Variants in CTSA observed in about 807,000 individuals in gnomAD.
CTSA encodes the protein lysosomal protective protein.
CTSA carries 42 observed loss-of-function variants against 66.7 expected under a neutral mutation model. That is an observed-to-expected ratio of 0.63 (90% CI 0.49 to 0.81). CTSA has a LOEUF of 0.81. CTSA is among the 40% of genes least tolerant of loss of function. The pLI, the probability that CTSA is intolerant of heterozygous loss-of-function variation, is 0.00. For synonymous variants in CTSA, 225 were observed against 248.6 expected (o/e 0.91, Z 0.89); for missense variants, 525 against 610.9 (o/e 0.86, Z 1.48).
At position 45,891,415 on chromosome 20, in the gene CTSA, G is replaced by A. The variant is rs1214544818; in HGVS notation, c.-1+36G>A. The A allele has an allele frequency of 6.4e-7, 1 of 1,556,338 alleles. No individual in the cohort carries two copies. The highest frequency in any genetic ancestry group is 8.7e-7 in the Non-Finnish European group (1 of 1,150,974). On this transcript the variant is annotated intron_variant, in intron 1 of 14. Transcript: ENST00000646241. This position sits in a 1 kb window ranked among gnomAD's most constrained non-coding sequence, Gnocchi z 4.6. ...ACCGGAGGCTGGAGGGGATCCCCGA[G>A]CCCGGGATCGGTGCGCGGCAGAGGA...
At chr20:45,896,689 G>T in intron 11 of CTSA, 1 of 441,872 alleles carries the variant, frequency 2.3e-6, no homozygotes, top group Non-Finnish European at 4.2e-6. Flanking sequence ...CACTCACCTC[G>T]GTCTCCCAAA....
In CTSA at chr20:45,897,933, C is replaced by T. The variant is rs573037181; in HGVS notation, c.1255-72C>T. The stretch of plus-strand genomic sequence containing the variant: ...AGGGCAAGTGTGGAGGAATTCCCAG[C>T]CCTAAGGTCTTGCTGGTAGCTGTGA... On this transcript the variant is annotated intron_variant, in intron 13 of 14. Coordinates refer to ENST00000646241, the MANE Select transcript of CTSA (RefSeq NM_000308.4). 3 of 1,574,764 alleles carry T rather than the reference C, an allele frequency of 1.9e-6. No homozygotes were observed. The South Asian group carries it at 3.3e-5, about 17-fold the overall frequency.
At chr20:45,895,880 C>T (rs551586359) in intron 11 of CTSA, among the ~76,000 whole-genome samples, 7 of 152,290 alleles carry the variant, frequency 4.6e-5, no homozygotes, top group East Asian at 3.9e-4. Context: ...TCCCCACACC[C>T]GGCCATCACA....
chr20:45,892,992 C>T, intron 6 of CTSA, 112 bp downstream of exon 6: 1 of 1,283,524 alleles, frequency 7.8e-7, no homozygotes. Context: ...CCTGCATAAC[C>T]TCCCCACCAC....
In CTSA at chr20:45,891,689, C is replaced by T. The variant is rs1388629252; in HGVS notation, c.121C>T (p.Leu41=). ...GGACGAGATCCAGCGCCTCCCCGGG[C>T]TGGCCAAGCAGCCGTCTTTCCGCCA... The part of the protein sequence containing the change: ...DQDEIQRLPG[L]AKQPSFRQYS... Residue 41 remains leucine, a synonymous_variant, in exon 2 of 15, where the codon CTG becomes TTG. Coordinates refer to ENST00000646241, the MANE Select transcript of CTSA (RefSeq NM_000308.4). The surrounding 1 kb of genome is among the most constrained non-coding windows in gnomAD (Gnocchi z 4.6). The T allele has an allele frequency of 6.2e-7, 1 of 1,613,266 alleles. No individual in the cohort carries two copies. The highest frequency in any genetic ancestry group is 2.2e-5 in the East Asian group (1 of 44,880).
Position 45,898,298 on chromosome 20 carries a change from C to T in CTSA, c.1360-69C>T. On this transcript the variant is annotated intron_variant, in intron 14 of 14. Coordinates refer to ENST00000646241, the MANE Select transcript of CTSA (RefSeq NM_000308.4). The surrounding 1 kb of genome is among the most constrained non-coding windows in gnomAD (Gnocchi z 4.6). ...AAAGGGTTTGGGATGAAGGAATTGCCCCCGAGTGAGCAGTTATATGGGGAG... is the reference window on the plus strand; with the variant it reads ...AAAGGGTTTGGGATGAAGGAATTGCTCCCGAGTGAGCAGTTATATGGGGAG... 2.1e-6 allele frequency: 3 copies of T among 1,427,104 alleles called. No homozygotes were observed. Among genetic ancestry groups the T allele is most frequent in the South Asian group, 1.2e-5 (1 of 84,308 alleles). 88.4% of individuals were successfully genotyped at this position (1,427,104 alleles called of 1,614,324 possible).
chr20:45,896,519 G>A (rs1205282492), intron 11 of CTSA: 4 of 233,578 alleles, frequency 1.7e-5, no homozygotes, highest in South Asian at 1.1e-4. Context: ...TGCAACCTCC[G>A]CCTCCCGGGT....
intron 6 of CTSA, 67 bp downstream of exon 6, chr20:45,892,947 G>A: frequency 6.4e-7 from 1 of 1,571,074 alleles, no homozygotes; most frequent in Non-Finnish European, 8.7e-7. Context: ...AGCAAGGTCA[G>A]ACTGACTGGT....
In CTSA at chr20:45,891,409, C is replaced by T; in HGVS notation, c.-1+30C>T. 1 of 1,559,738 alleles carries T rather than the reference C, an allele frequency of 6.4e-7. No homozygotes were observed. The highest frequency in any genetic ancestry group is 8.7e-7 in the Non-Finnish European group (1 of 1,152,796). ...GCTGGCACCGGAGGCTGGAGGGGAT[C>T]CCCGAGCCCGGGATCGGTGCGCGGC... On this transcript the variant is annotated intron_variant, in intron 1 of 14. Transcript: ENST00000646241. The surrounding 1 kb of genome is among the most constrained non-coding windows in gnomAD (Gnocchi z 4.6).
intron 11 of CTSA, among the ~76,000 whole-genome samples, chr20:45,895,758 A>T (rs545552818): frequency 1.3e-4 from 20 of 152,016 alleles, no homozygotes; most frequent in African/African-American, 3.4e-4. Context: ...TTTTTAAAAA[A>T]TTTTTTTGTA....
In CTSA at chr20:45,893,221, G is replaced by T; in HGVS notation, c.602G>T (p.Gly201Val). ...CTGAGCACCCTGGGTGTTTCACAGG[G>T]GCTGGCTGTGGGCAATGGACTCTCC... ...VMQDPSMNLQ[G>V]LAVGNGLSSY... is the part of the protein sequence containing the mutation. Residue 201 changes from glycine to valine, a missense_variant and splice_region_variant, in exon 7 of 15, where the codon GGG (glycine) becomes GTG (valine). Coordinates refer to ENST00000646241, the MANE Select transcript of CTSA (RefSeq NM_000308.4). 6.2e-7 allele frequency: 1 copy of T among 1,613,966 alleles called. No individual in the cohort carries two copies. The highest frequency in any genetic ancestry group is 2.2e-5 in the East Asian group (1 of 44,872).
intron 11 of CTSA, 86 bp downstream of exon 11, chr20:45,895,219 TAG>T (rs1461960543): frequency 9.8e-6 from 15 of 1,530,134 alleles, no homozygotes; most frequent in Non-Finnish European, 1.4e-5. Flanking sequence ...ATCTTCTGTG[TAG>T]AGTTTCTCAA....
At chr20:45,892,960 A>C in intron 6 of CTSA, 80 bp downstream of exon 6, 1 of 1,528,814 alleles carries the variant, frequency 6.5e-7, no homozygotes, top group Non-Finnish European at 9.0e-7. Flanking sequence ...TGACTGGTCA[A>C]TGTCCCCATC....
chr20:45,893,076 C>T (rs866953450), intron 6 of CTSA, 144 bp from the exon 7 acceptor site: 1 of 920,402 alleles, frequency 1.1e-6, no homozygotes. Flanking sequence ...CTGTGTTTTG[C>T]ATTGAGTGGC....
rs759321067 is a variant in CTSA at position 45,894,610 on chromosome 20, G to A, written c.778-40G>A. 22 of 1,559,670 alleles carry A rather than the reference G, an allele frequency of 1.4e-5. No individual in the cohort carries two copies. The African/African-American group carries it at 1.8e-4, about 12-fold the overall frequency. On this transcript the variant is annotated intron_variant, in intron 8 of 14. Coordinates refer to ENST00000646241, the MANE Select transcript of CTSA (RefSeq NM_000308.4). ...AACTTGGTGGGGTCGTGGAGAGGCT[G>A]GGGATCTGTAAAGCATGGTGGCTTG...
Position 45,898,227 on chromosome 20 carries a change from T to C in CTSA, c.1359+118T>C, listed in dbSNP as rs1258363335. The C allele has an allele frequency of 3.0e-6, 4 of 1,347,052 alleles. No individual in the cohort carries two copies. Among genetic ancestry groups the C allele is most frequent in the South Asian group, 2.4e-5 (2 of 81,944 alleles). 83.4% of individuals were successfully genotyped at this position (1,347,052 alleles called of 1,614,324 possible). A position where few individuals can be genotyped will look rare whatever the true frequency, so the allele number is the denominator to read the frequency against. On this transcript the variant is annotated intron_variant, in intron 14 of 14. Transcript: ENST00000646241. The surrounding 1 kb of genome is among the most constrained non-coding windows in gnomAD (Gnocchi z 4.6). Reference sequence around the variant, plus strand: ...CATGGGTCACCATCTGGCCCCTGTATGGGCAAGTTTTTTTGGAGAGGGGTG... The same window carrying C: ...CATGGGTCACCATCTGGCCCCTGTACGGGCAAGTTTTTTTGGAGAGGGGTG...
chr20:45,891,854 A>G lies in CTSA; in HGVS notation c.195-62A>G, dbSNP rs1986968825. The G allele has an allele frequency of 1.9e-6, 3 of 1,608,642 alleles. No homozygotes were observed. The highest frequency in any genetic ancestry group is 1.3e-5 in the African/African-American group (1 of 74,796). On this transcript the variant is annotated intron_variant, in intron 2 of 14. Coordinates refer to ENST00000646241, the MANE Select transcript of CTSA (RefSeq NM_000308.4). The surrounding 1 kb of genome is among the most constrained non-coding windows in gnomAD (Gnocchi z 4.6). ...CTGCAGACCCCTGAGGATGCCTGGG[A>G]GCCGGGAGGGCTGGAAAGGGCCCCT...
intron 11 of CTSA, 88 bp from the exon 12 acceptor site, chr20:45,896,877 G>A: frequency 9.2e-7 from 1 of 1,090,016 alleles, no homozygotes; most frequent in Non-Finnish European, 1.4e-6. Flanking sequence ...CTGGGTTGGA[G>A]CTTGGAGATA....
Position 45,891,944 on chromosome 20 carries a change from A to G in CTSA, c.223A>G (p.Asn75Asp). Residue 75 changes from asparagine to aspartate, a missense_variant, in exon 3 of 15, where the codon AAC becomes GAC. By Grantham distance (23) the Asn-to-Asp change is conservative. This residue lies in a region of CTSA where 246 missense variants were observed against 267.4 expected (regional missense o/e 0.92). Coordinates refer to ENST00000646241, the MANE Select transcript of CTSA (RefSeq NM_000308.4). The surrounding 1 kb of genome is among the most constrained non-coding windows in gnomAD (Gnocchi z 4.6). The part of the protein sequence containing the change: ...WFVESQKDPE[N>D]SPVVLWLNGG... ...TGTGGAGTCCCAGAAGGATCCCGAG[A>G]ACAGCCCTGTGGTGCTTTGGCTCAA... is the stretch of plus-strand genomic sequence containing the variant. 6.2e-7 allele frequency: 1 copy of G among 1,614,108 alleles called. No individual in the cohort carries two copies. Among genetic ancestry groups the G allele is most frequent in the South Asian group, 1.1e-5 (1 of 91,082 alleles).
Sources: allele counts gnomAD v4.1 joint callset (sites outside exome capture counted in the v4.1 genomes callset), GRCh38; gene constraint gnomAD v4.1.1; regional missense constraint gnomAD v4.1.1; non-coding constraint Gnocchi (gnomAD v3.1); transcripts MANE v1.5; gene names NCBI Gene and HGNC (gene_info 2026-07-23, HGNC 2026-07-21).